UMAD1: variants seen among roughly 807,000 people sequenced by gnomAD.
The protein encoded by UMAD1 is UBAP1-MVB12-associated (UMA)-domain containing protein 1.
A neutral mutation model predicts 6.1 loss-of-function variants in UMAD1; 8 were observed. The ratio of observed to expected loss-of-function variants is 1.30; its 90% CI spans 0.76 to 2.35. The LOEUF is 2.35. Ranked by LOEUF, UMAD1 falls within the 30% of genes most tolerant of loss-of-function variation. The pLI is 0.00. For missense variants in UMAD1, 130 were observed against 78.4 expected, an observed-to-expected ratio of 1.66 and a Z score of -2.49; for synonymous variants, 56 against 31.4, an observed-to-expected ratio of 1.78 and a Z score of -2.61.
chr7:7,664,800 T>C (rs1201657420), intron 1 of UMAD1, among the ~76,000 whole-genome samples: 1 of 152,344 alleles, frequency 6.6e-6, no homozygotes, highest in African/African-American at 2.4e-5. Flanking sequence ...ACCAAAAGCA[T>C]GGCCTACCTT....
chr7:7,704,800 C>A (rs538898051), intron 2 of UMAD1, among the ~76,000 whole-genome samples: 179 of 135,134 alleles, frequency 1.3e-3, no homozygotes, highest in Non-Finnish European at 2.3e-3. Context: ...AAAAGACTTG[C>A]TTCTGTACTT....
chr7:7,813,815 A>G (rs1783071922), intron 3 of UMAD1, among the ~76,000 whole-genome samples: 1 of 152,198 alleles, frequency 6.6e-6, no homozygotes, highest in Non-Finnish European at 1.5e-5. Flanking sequence ...AGTCCTGCAC[A>G]GATTGCCTTC....
intron 1 of UMAD1, among the ~76,000 whole-genome samples, chr7:7,649,073 G>A (rs1363675635): frequency 1.4e-5 from 2 of 145,232 alleles, no homozygotes; most frequent in South Asian, 2.1e-4. Context: ...CAGGAGAATC[G>A]CTTGAACCCA....
Position 7,720,030 on chromosome 7 carries a change from G to C in UMAD1, c.82+46577G>C, listed in dbSNP as rs1781011673. ...GTTTCTTCTTCCAGTGTACCTCAGA[G>C]GGACTTGGTAAGCATGAATAAAGCC... is the stretch of plus-strand genomic sequence containing the variant. On this transcript the variant is annotated intron_variant, in intron 2 of 3. Coordinates refer to ENST00000682710, the MANE Select transcript of UMAD1 (RefSeq NM_001302348.2). Among the ~76,000 whole-genome samples, 6 of 152,268 alleles carry C rather than the reference G, an allele frequency of 3.9e-5. No homozygotes were observed. The South Asian group carries it at 1.2e-3, about 32-fold the overall frequency.
At position 7,740,309 on chromosome 7, in the gene UMAD1, C is replaced by T. The variant is rs148381102; in HGVS notation, c.83-61361C>T. Among the ~76,000 whole-genome samples, 536 of 152,210 alleles carry T rather than the reference C, an allele frequency of 3.5e-3. 5 individuals are homozygous for T. Among genetic ancestry groups the T allele is most frequent in the African/African-American group, 0.012 (516 of 41,542 alleles). The stretch of plus-strand genomic sequence containing the variant: ...TCCAAGGATGTATTGTGAGCAATCA[C>T]GTCTATCCTTTGCGATAACCTTAAA... On this transcript the variant is annotated intron_variant, in intron 2 of 3. Transcript: ENST00000682710.
At chr7:7,728,909 A>G (rs1282633531) in intron 2 of UMAD1, among the ~76,000 whole-genome samples, 1 of 152,206 alleles carries the variant, frequency 6.6e-6, no homozygotes. Flanking sequence ...TATGATGGAT[A>G]CAGCCTGTGC....
intron 2 of UMAD1, among the ~76,000 whole-genome samples, chr7:7,792,958 A>G (rs956316898): frequency 1.3e-5 from 2 of 152,110 alleles, no homozygotes; most frequent in African/African-American, 4.8e-5. Context: ...TCATGACCTC[A>G]TGACCTCCCA....
intron 3 of UMAD1, among the ~76,000 whole-genome samples, chr7:7,812,635 A>G (rs1435026125): frequency 6.6e-6 from 1 of 151,246 alleles, no homozygotes; most frequent in Non-Finnish European, 1.5e-5. Context: ...TCTTCAATTG[A>G]GATATTATTA....
At chr7:7,772,705 G>A (rs939424835) in intron 2 of UMAD1, among the ~76,000 whole-genome samples, 1 of 152,182 alleles carries the variant, frequency 6.6e-6, no homozygotes, top group Non-Finnish European at 1.5e-5. Flanking sequence ...AGAGGTGCCT[G>A]CCTCGTGAAA....
intron 3 of UMAD1, among the ~76,000 whole-genome samples, chr7:7,856,161 A>G (rs930593823): frequency 1.3e-5 from 2 of 152,202 alleles, no homozygotes; most frequent in Non-Finnish European, 2.9e-5. Context: ...CCAATTCCAA[A>G]GTTGCTTCCA....
chr7:7,784,342 T>C (rs925340378), intron 2 of UMAD1, among the ~76,000 whole-genome samples: 2 of 150,770 alleles, frequency 1.3e-5, no homozygotes, highest in African/African-American at 2.4e-5. Context: ...TCTCTGTTTT[T>C]TTTTTTTTTT....
At chr7:7,843,030 G>T (rs1783712860) in intron 3 of UMAD1, among the ~76,000 whole-genome samples, 1 of 152,148 alleles carries the variant, frequency 6.6e-6, no homozygotes, top group Admixed American at 6.6e-5. Context: ...TTTTGAGATG[G>T]TTCATCCAGT....
At chr7:7,751,524 C>G (rs6943287) in intron 2 of UMAD1, among the ~76,000 whole-genome samples, 72,222 of 152,026 alleles carry the variant, frequency 0.48, 18,838 homozygotes, top group African/African-American at 0.69. Flanking sequence ...GTCAGGGAAA[C>G]TAAATTAGAC....
chr7:7,700,967 T>A (rs527586622), intron 2 of UMAD1, among the ~76,000 whole-genome samples: 1 of 152,174 alleles, frequency 6.6e-6, no homozygotes, highest in African/African-American at 2.4e-5. Flanking sequence ...AGAGAATTGC[T>A]TGAGCCCAGG....
intron 2 of UMAD1, among the ~76,000 whole-genome samples, chr7:7,677,114 C>G (rs1442204098): frequency 6.6e-6 from 1 of 151,976 alleles, no homozygotes; most frequent in Non-Finnish European, 1.5e-5. Flanking sequence ...TATTTTTAAT[C>G]ATTATGGGTC....
chr7:7,845,998 G>T (rs1783775925), intron 3 of UMAD1, among the ~76,000 whole-genome samples: 3 of 151,994 alleles, frequency 2.0e-5, no homozygotes, highest in African/African-American at 4.8e-5. Flanking sequence ...TGCTAGTATT[G>T]TGAGAACAGT....
At chr7:7,716,007 C>T (rs906133493) in intron 2 of UMAD1, among the ~76,000 whole-genome samples, 2 of 151,336 alleles carry the variant, frequency 1.3e-5, no homozygotes, top group Admixed American at 1.3e-4. Context: ...TCAGACAAAT[C>T]GAATAATTTT....
chr7:7,673,290 T>C lies in UMAD1; in HGVS notation c.-63-19T>C. On this transcript the variant is annotated intron_variant, in intron 1 of 3. Coordinates refer to ENST00000682710, the MANE Select transcript of UMAD1 (RefSeq NM_001302348.2). ...ACAGTTGCATCTGAATTTGACATTGTGTAATGTTTCTATTTCAGGTAGCAG... is the reference window on the plus strand; with the variant it reads ...ACAGTTGCATCTGAATTTGACATTGCGTAATGTTTCTATTTCAGGTAGCAG... 8.6e-7 allele frequency: 1 copy of C among 1,166,440 alleles called. No homozygotes were observed. The highest frequency in any genetic ancestry group is 1.2e-6 in the Non-Finnish European group (1 of 808,258). 72.3% of individuals were successfully genotyped at this position (1,166,440 alleles called of 1,614,324 possible).
At chr7:7,681,940 A>T (rs1779922831) in intron 2 of UMAD1, among the ~76,000 whole-genome samples, 1 of 152,194 alleles carries the variant, frequency 6.6e-6, no homozygotes, top group African/African-American at 2.4e-5. Flanking sequence ...TGTTATAGCA[A>T]AAAGAAGGAA....
Sources: gnomAD v4.1 joint callset for allele counts (sites outside exome capture counted in the v4.1 genomes callset) on GRCh38, gnomAD v4.1.1 for gene constraint, MANE v1.5 for transcripts, NCBI Gene and HGNC (gene_info 2026-07-23, HGNC 2026-07-21) for gene names.